ZFHX4: variants seen among roughly 807,000 people sequenced by gnomAD.
ZFHX4 encodes the protein zinc finger homeobox 4.
A neutral mutation model predicts 267.6 loss-of-function variants in ZFHX4; 56 were observed. That is an observed-to-expected ratio of 0.21 (90% CI 0.17 to 0.26). ZFHX4 has a LOEUF of 0.26. Among genes scored for constraint, ZFHX4 ranks in the 10% least tolerant of loss-of-function variants. ZFHX4 has a pLI of 1.00. For synonymous variants in ZFHX4, 1,778 were observed against 1,665.6 expected (o/e 1.07, Z -1.64); for missense variants, 4,332 against 4,420.0 (o/e 0.98, Z 0.56).
At chr8:76,801,116 C>T (rs934380568) in intron 4 of ZFHX4, among the ~76,000 whole-genome samples, 1 of 151,928 alleles carries the variant, frequency 6.6e-6, no homozygotes, top group African/African-American at 2.4e-5. Flanking sequence ...GAATTTTTGA[C>T]TTAATTGACT....
intron 3 of ZFHX4, among the ~76,000 whole-genome samples, chr8:76,713,194 C>T (rs575934661): frequency 1.3e-5 from 2 of 152,042 alleles, no homozygotes; most frequent in African/African-American, 4.8e-5. Flanking sequence ...TAATATATTA[C>T]ATTGTGAGCT....
At chr8:76,774,494 C>G (rs572433147) in intron 3 of ZFHX4, among the ~76,000 whole-genome samples, 105 of 152,134 alleles carry the variant, frequency 6.9e-4, no homozygotes, top group Non-Finnish European at 1.1e-3. Flanking sequence ...CAACTTCATT[C>G]TTGCTTATAA....
Position 76,707,903 on chromosome 8 carries a change from G to A in ZFHX4, c.2948G>A (p.Ser983Asn), listed in dbSNP as rs1035274825. 6.2e-7 allele frequency: 1 copy of A among 1,614,060 alleles called. No individual in the cohort carries two copies. Among genetic ancestry groups the A allele is most frequent in the African/African-American group, 1.3e-5 (1 of 75,038 alleles). ...LVAHIKEGGK[S>N]NEWRLKCIAI... ...GCTCACATTAAAGAAGGGGGCAAAA[G>A]CAATGAGTGGAGGTTGAAGTGTATT... The change falls in exon 3 of 11, where the codon AGC becomes AAC. Residue 983 changes from serine (S) to asparagine (N), a missense_variant. Ser to Asn is a conservative substitution (Grantham distance 46). This residue lies in a region of ZFHX4 where 1,371 missense variants were observed against 1,423.1 expected (regional missense o/e 0.96). Coordinates refer to ENST00000651372, the MANE Select transcript of ZFHX4 (RefSeq NM_024721.5).
At chr8:76,715,003 T>C (rs769462902) in intron 3 of ZFHX4, among the ~76,000 whole-genome samples, 1 of 152,216 alleles carries the variant, frequency 6.6e-6, no homozygotes, top group Non-Finnish European at 1.5e-5. Context: ...TAGTATAATG[T>C]CACTTCTGTG....
rs1305245904 is a variant in ZFHX4 at position 76,706,020 on chromosome 8, C to T, written c.1932C>T (p.Leu644=). The T allele has an allele frequency of 6.2e-7, 1 of 1,613,650 alleles. No individual in the cohort carries two copies. The highest frequency in any genetic ancestry group is 8.5e-7 in the Non-Finnish European group (1 of 1,179,806). The part of the protein sequence containing the change: ...MMHSRNSCKT[L]KCPKCNWHYK... ...ACTCGAGGAACTCATGCAAAACCCT[C>T]AAATGTCCTAAATGTAACTGGCACT... Residue 644 remains leucine, a synonymous_variant, in exon 2 of 11, where the codon CTC becomes CTT. Coordinates refer to ENST00000651372, the MANE Select transcript of ZFHX4 (RefSeq NM_024721.5).
At chr8:76,826,176 G>C (rs1194656378) in intron 4 of ZFHX4, among the ~76,000 whole-genome samples, 1 of 152,184 alleles carries the variant, frequency 6.6e-6, no homozygotes, top group African/African-American at 2.4e-5. Flanking sequence ...GATCAAAAGG[G>C]AGAGGGAAGG....
At chr8:76,861,220 ATTTTCCAGGATTTTCTTTTCTT>A (rs1404937568) in intron 10 of ZFHX4, among the ~76,000 whole-genome samples, 2 of 151,686 alleles carry the variant, frequency 1.3e-5, no homozygotes, top group Non-Finnish European at 2.9e-5. Flanking sequence ...ATATAACATT[ATTTTCCAGGATTTTCTTTTCTT>A]TTTGCATCTT....
Position 76,781,569 on chromosome 8 carries a change from TGTGG to T in ZFHX4, c.3325+3131_3325+3134del, listed in dbSNP as rs1810548644. Among the ~76,000 whole-genome samples the T allele has an allele frequency of 2.0e-5, 3 of 152,222 alleles. No individual in the cohort carries two copies. In the East Asian group the frequency reaches 5.8e-4, roughly 29 times the overall value. On this transcript the variant is annotated intron_variant, in intron 4 of 10. Transcript: ENST00000651372. ...ACTTTTCATTTGATTTTGTTGGCAT[TGTGG>T]ATGCATAATTTGGGTGGAAGATTTT...
At chr8:76,747,261 C>T (rs7013288) in intron 3 of ZFHX4, among the ~76,000 whole-genome samples, 45,222 of 151,954 alleles carry the variant, frequency 0.3, 9,614 homozygotes, top group African/African-American at 0.6. Flanking sequence ...CTATTAAGCT[C>T]GATTTTTGTT....
intron 3 of ZFHX4, among the ~76,000 whole-genome samples, chr8:76,716,340 G>A (rs1808573824): frequency 6.6e-6 from 1 of 152,056 alleles, no homozygotes; most frequent in South Asian, 2.1e-4. Context: ...TTACTTTTTG[G>A]AGAGAACATA....
rs1808310379 is a variant in ZFHX4, at chr8:76,707,574, G to T, written c.2619G>T (p.Arg873=). ...ATAATGAGCTGCCGCCTGAAATCCGGCTTGCCAGTGGTCAGCTAATGGGTG... is the reference window on the plus strand; with the variant it reads ...ATAATGAGCTGCCGCCTGAAATCCGTCTTGCCAGTGGTCAGCTAATGGGTG... The part of the protein sequence containing the change: ...LVNNELPPEI[R]LASGQLMGDD... The change falls in exon 3 of 11, where the codon CGG becomes CGT. Residue 873 remains arginine, a synonymous_variant. Transcript: ENST00000651372. 3.1e-6 allele frequency: 5 copies of T among 1,588,596 alleles called. No homozygotes were observed. The highest frequency in any genetic ancestry group is 4.3e-6 in the Non-Finnish European group (5 of 1,165,098).
chr8:76,743,807 G>C (rs1297758038), intron 3 of ZFHX4, among the ~76,000 whole-genome samples: 2 of 152,208 alleles, frequency 1.3e-5, no homozygotes, highest in Non-Finnish European at 2.9e-5. Context: ...TAATATTTCA[G>C]TAACTTCCAA....
chr8:76,708,199 CAT>C, intron 3 of ZFHX4, 151 bp downstream of exon 3: 3 of 963,464 alleles, frequency 3.1e-6, no homozygotes, highest in African/African-American at 3.3e-5. Flanking sequence ...ATTATAAAAA[CAT>C]ATTGAAATAT....
chr8:76,686,074 A>G (rs1198906906), intron 1 of ZFHX4, among the ~76,000 whole-genome samples: 18 of 152,230 alleles, frequency 1.2e-4, no homozygotes. Context: ...GGGAAGGCCT[A>G]CTGTCTATCA....
At chr8:76,763,671 A>T (rs1294100240) in intron 3 of ZFHX4, among the ~76,000 whole-genome samples, 1 of 152,168 alleles carries the variant, frequency 6.6e-6, no homozygotes. Context: ...ATTATATATG[A>T]TAATGGTTGT....
At chr8:76,702,120 C>T (rs1240756080) in intron 1 of ZFHX4, among the ~76,000 whole-genome samples, 1 of 152,076 alleles carries the variant, frequency 6.6e-6, no homozygotes, top group East Asian at 1.9e-4. Context: ...TTATGATTAT[C>T]AGATTATTTC....
chr8:76,787,844 C>T (rs1449011292), intron 4 of ZFHX4, among the ~76,000 whole-genome samples: 1 of 151,566 alleles, frequency 6.6e-6, no homozygotes. Context: ...TGACTGAAAG[C>T]ATGAGCCAGG....
chr8:76,841,614 G>A (rs576950289), intron 5 of ZFHX4, among the ~76,000 whole-genome samples: 5 of 152,220 alleles, frequency 3.3e-5, no homozygotes, highest in African/African-American at 1.2e-4. Flanking sequence ...TGCCTTTCCA[G>A]GGTTAATTTA....
chr8:76,773,625 T>C (rs989644826), intron 3 of ZFHX4, among the ~76,000 whole-genome samples: 5 of 152,198 alleles, frequency 3.3e-5, no homozygotes, highest in African/African-American at 1.2e-4. Flanking sequence ...TCAAATTCCC[T>C]AATTGTTAAA....
Sources: allele counts gnomAD v4.1 joint callset (sites outside exome capture counted in the v4.1 genomes callset), GRCh38; gene constraint gnomAD v4.1.1; regional missense constraint gnomAD v4.1.1; transcripts MANE v1.5; gene names NCBI Gene and HGNC (gene_info 2026-07-23, HGNC 2026-07-21).